PKHD1L1: variants seen among roughly 807,000 people sequenced by gnomAD.
The protein encoded by PKHD1L1 is PKHD1 like 1.
Under a neutral mutation model 462.9 loss-of-function variants are expected in PKHD1L1, and 434 were observed. The ratio of observed to expected loss-of-function variants is 0.94; its 90% CI spans 0.87 to 1.02. The LOEUF is 1.02. PKHD1L1 is among the 50% of genes least tolerant of loss of function. PKHD1L1 has a pLI of 0.00. For missense variants in PKHD1L1, 5,202 were observed against 5,096.1 expected (o/e 1.02, Z -0.63); for synonymous variants, 1,781 against 1,750.0 (o/e 1.02, Z -0.44).
chr8:109,362,696 G>A (rs748978963), intron 1 of PKHD1L1, 43 bp downstream of exon 1: 4 of 1,549,142 alleles, frequency 2.6e-6, no homozygotes, highest in Non-Finnish European at 3.5e-6. Flanking sequence ...GGAGAGGCCC[G>A]CGTAGACACT....
At chr8:109,405,968 A>G (rs1290609374) in intron 16 of PKHD1L1, among the ~76,000 whole-genome samples, 1 of 152,226 alleles carries the variant, frequency 6.6e-6, no homozygotes, top group Non-Finnish European at 1.5e-5. Flanking sequence ...TCAGCCAATA[A>G]ACAACATTGC....
intron 59 of PKHD1L1, among the ~76,000 whole-genome samples, chr8:109,489,300 A>G (rs572331725): frequency 2.8e-4 from 42 of 152,064 alleles, no homozygotes; most frequent in Admixed American, 1.4e-3. Flanking sequence ...AGAGATATAA[A>G]AGTTCCTAAC....
At chr8:109,365,124 A>G (rs1050077432) in intron 2 of PKHD1L1, among the ~76,000 whole-genome samples, 4 of 152,198 alleles carry the variant, frequency 2.6e-5, no homozygotes, top group Non-Finnish European at 4.4e-5. Flanking sequence ...AGTACCGTAC[A>G]TGGTTCCCCT....
At chr8:109,379,538 CTGG>C (rs1356271435) in intron 2 of PKHD1L1, among the ~76,000 whole-genome samples, 3 of 152,214 alleles carry the variant, frequency 2.0e-5, no homozygotes, top group African/African-American at 7.2e-5. Flanking sequence ...GGGTGGGACC[CTGG>C]TATCCTCCAT....
At chr8:109,388,117 G>T (rs1284926715) in intron 6 of PKHD1L1, among the ~76,000 whole-genome samples, 1 of 152,128 alleles carries the variant, frequency 6.6e-6, no homozygotes, top group African/African-American at 2.4e-5. Flanking sequence ...TTACAAAATT[G>T]TTTTTGAGTT....
At chr8:109,501,505 A>G (rs1819411685) in intron 67 of PKHD1L1, among the ~76,000 whole-genome samples, 1 of 152,224 alleles carries the variant, frequency 6.6e-6, no homozygotes, top group Admixed American at 6.5e-5. Context: ...GGTGGAATAA[A>G]TCTGATGTCG....
intron 46 of PKHD1L1, among the ~76,000 whole-genome samples, 161 bp downstream of exon 46, chr8:109,456,552 T>G (rs555669151): frequency 6.6e-6 from 1 of 152,288 alleles, no homozygotes; most frequent in Non-Finnish European, 1.5e-5. Flanking sequence ...GTGTTAACAT[T>G]AGGTTGATCA....
intron 27 of PKHD1L1, among the ~76,000 whole-genome samples, chr8:109,431,148 A>G (rs889570900): frequency 2.6e-5 from 4 of 152,108 alleles, no homozygotes; most frequent in Non-Finnish European, 4.4e-5. Flanking sequence ...TTGTATTTTT[A>G]GTAGAGACAG....
intron 46 of PKHD1L1, 52 bp downstream of exon 46, chr8:109,456,443 A>C: frequency 6.7e-7 from 1 of 1,502,690 alleles, no homozygotes; most frequent in Non-Finnish European, 8.9e-7. Flanking sequence ...AAATTTTTAT[A>C]CTGTATAAAG....
Position 109,490,065 on chromosome 8 carries a change from TTA to T in PKHD1L1, c.9984+12_9984+13del. ...TCTTAACCTAGGACAGGTTTGTGCTTTATTTTTAATTTTGTGTATATTAAAAA... is the reference window on the plus strand; with the variant it reads ...TCTTAACCTAGGACAGGTTTGTGCTTTTTTTAATTTTGTGTATATTAAAAA... On this transcript the variant is annotated intron_variant, in intron 60 of 77. Coordinates refer to ENST00000378402, the MANE Select transcript of PKHD1L1 (RefSeq NM_177531.6). 6.6e-7 allele frequency: 1 copy of T among 1,513,408 alleles called. No homozygotes were observed. The highest frequency in any genetic ancestry group is 9.0e-7 in the Non-Finnish European group (1 of 1,113,016). The allele number at this position is 1,513,408 out of a possible 1,614,324, so 93.7% of individuals were successfully genotyped here.
In PKHD1L1 at chr8:109,439,011, T is replaced by C. The variant is rs1188458882; in HGVS notation, c.3875T>C (p.Ile1292Thr). ...CQILHWNFTD[I>T]RCLLPKLSPG... ...ATTCTTCACTGGAACTTCACAGATA[T>C]TAGATGCCTTTTGCCCAAGTTGTCT... is the stretch of plus-strand genomic sequence containing the variant. The change falls in exon 32 of 78, where the codon ATT becomes ACT. Residue 1292 changes from isoleucine to threonine, a missense_variant. This residue lies in a region of PKHD1L1 where 4,497 missense variants were observed against 4,336.8 expected (regional missense o/e 1.04). Transcript: ENST00000378402. 6.2e-7 allele frequency: 1 copy of C among 1,613,714 alleles called. No homozygotes were observed. Among genetic ancestry groups the C allele is most frequent in the Non-Finnish European group, 8.5e-7 (1 of 1,179,668 alleles).
chr8:109,403,711 T>C (rs1206919738), intron 14 of PKHD1L1, among the ~76,000 whole-genome samples: 2 of 152,110 alleles, frequency 1.3e-5, no homozygotes, highest in Non-Finnish European at 2.9e-5. Flanking sequence ...ACCCTATCAT[T>C]CTACACATAT....
rs1183976043 is a variant in PKHD1L1, at chr8:109,433,180, G to T, written c.3304G>T (p.Val1102Phe). The change falls in exon 28 of 78, where the codon GTT (valine) becomes TTT (phenylalanine). Residue 1102 changes from valine to phenylalanine, a missense_variant. By Grantham distance (50) the Val-to-Phe change is conservative. Coordinates refer to ENST00000378402, the MANE Select transcript of PKHD1L1 (RefSeq NM_177531.6). ...TCCTAGTTCAGCTGTAACAGTCTCA[G>T]TTGGACCAGTAGGTTGTTCTCTTCT... Reference protein sequence around the residue: ...FSPSSAVTVSVGPVGCSLLSV... With the variant: ...FSPSSAVTVSFGPVGCSLLSV... 6.2e-7 allele frequency: 1 copy of T among 1,613,546 alleles called. No individual in the cohort carries two copies. The highest frequency in any genetic ancestry group is 1.7e-5 in the Admixed American group (1 of 60,012).
In PKHD1L1 at chr8:109,440,721, ATTC is replaced by A; in HGVS notation, c.3972_3974del (p.Ser1325del). The A allele has an allele frequency of 6.2e-7, 1 of 1,605,642 alleles. No homozygotes were observed. The highest frequency in any genetic ancestry group is 1.1e-5 in the South Asian group (1 of 88,986). On this transcript the variant is annotated inframe_deletion, in exon 33 of 78. Coordinates refer to ENST00000378402, the MANE Select transcript of PKHD1L1 (RefSeq NM_177531.6). ...ATTTTTTTTCTCAGAGACAAATTAAATTCTTCAATACAGTATGTTTTAGAAGTG... is the reference window on the plus strand; with the variant it reads ...ATTTTTTTTCTCAGAGACAAATTAAATTCAATACAGTATGTTTTAGAAGTG...
At chr8:109,494,403 T>C (rs1210594963) in intron 63 of PKHD1L1, among the ~76,000 whole-genome samples, 1 of 151,988 alleles carries the variant, frequency 6.6e-6, no homozygotes, top group Non-Finnish European at 1.5e-5. Flanking sequence ...TAGCTAACAG[T>C]TGCCTTTACA....
In PKHD1L1 at chr8:109,535,970, C is replaced by G. The variant is rs1485113259; in HGVS notation, c.*5880C>G. On this transcript the variant is annotated 3_prime_UTR_variant, in exon 78 of 78. Transcript: ENST00000378402. Reference sequence around the variant, plus strand: ...GCTCTTTCATCCTATGCCTTTAAAACAAAGGGAACAAAGAAGGGAACAAAG... The same window carrying G: ...GCTCTTTCATCCTATGCCTTTAAAAGAAAGGGAACAAAGAAGGGAACAAAG... Among the ~76,000 whole-genome samples, 3 of 103,336 alleles carry G rather than the reference C, an allele frequency of 2.9e-5. No individual in the cohort carries two copies. Among genetic ancestry groups the G allele is most frequent in the Admixed American group, 8.6e-5 (1 of 11,598 alleles). The allele number at this position is 103,336 out of a possible 152,430, so 67.8% of individuals were successfully genotyped here. A position where few individuals can be genotyped will look rare whatever the true frequency, so the allele number is the denominator to read the frequency against.
In PKHD1L1 at chr8:109,461,906, G is replaced by A. The variant is rs1817157040; in HGVS notation, c.7381G>A (p.Glu2461Lys). 1.3e-6 allele frequency: 2 copies of A among 1,596,870 alleles called. No individual in the cohort carries two copies. Among genetic ancestry groups the A allele is most frequent in the Non-Finnish European group, 1.7e-6 (2 of 1,170,970 alleles). ...NMVTGRIEYV[E>K]VFHAGQAFRL... is the part of the protein sequence containing the mutation. ...GGTAACTGGGAGAATAGAATATGTA[G>A]AGGTGAGAGGCATTATTACTAAATC... is the stretch of plus-strand genomic sequence containing the variant. The change falls in exon 48 of 78, where the codon GAG becomes AAG. Residue 2461 changes from glutamate (E) to lysine (K), a missense_variant and splice_region_variant. Glu to Lys is a moderately conservative substitution (Grantham distance 56). Transcript: ENST00000378402.
intron 59 of PKHD1L1, 70 bp from the exon 60 acceptor site, chr8:109,489,882 G>A (rs1818743900): frequency 3.2e-6 from 3 of 931,910 alleles, no homozygotes; most frequent in Admixed American, 2.3e-5. Context: ...ACAACTTTGT[G>A]TAGCTTTTCA....
intron 70 of PKHD1L1, 81 bp downstream of exon 70, chr8:109,508,345 T>G (rs1819805319): frequency 5.8e-6 from 8 of 1,390,580 alleles, no homozygotes; most frequent in Non-Finnish European, 7.9e-6. Flanking sequence ...CATAAATTAT[T>G]TACCCCACAC....
Sources: allele counts gnomAD v4.1 joint callset (sites outside exome capture counted in the v4.1 genomes callset), GRCh38; gene constraint gnomAD v4.1.1; regional missense constraint gnomAD v4.1.1; transcripts MANE v1.5; gene names NCBI Gene and HGNC (gene_info 2026-07-23, HGNC 2026-07-21).